The following RBFOX1 variants were observed in gnomAD, a reference collection of about 807,000 sequenced individuals.
The protein encoded by RBFOX1 is RNA binding fox-1 homolog 1.
A neutral mutation model predicts 57.7 loss-of-function variants in RBFOX1; 8 were observed. The observed-to-expected ratio is 0.14, with a 90% CI of 0.08 to 0.25. The LOEUF is 0.25. RBFOX1 is among the 10% of genes least tolerant of loss of function. The probability of loss-of-function intolerance (pLI) is 1.00; values close to 1 mark genes in which losing one functional copy is unlikely to be tolerated. For synonymous variants in RBFOX1, 326 were observed against 222.4 expected (o/e 1.47, Z -4.15); for missense variants, 611 against 548.5 (o/e 1.11, Z -1.14).
chr16:6,091,275 T>A (rs1047534837), intron 1 of RBFOX1, among the ~76,000 whole-genome samples: 1 of 152,188 alleles, frequency 6.6e-6, no homozygotes, highest in Non-Finnish European at 1.5e-5. Context: ...GATACCCACT[T>A]ATGAACTCCT....
intron 3 of RBFOX1, among the ~76,000 whole-genome samples, chr16:6,828,460 G>A (rs1266055971): frequency 6.6e-6 from 1 of 151,868 alleles, no homozygotes; most frequent in African/African-American, 2.4e-5. Context: ...GGAGGAAGAG[G>A]TTGCAGTCAG....
At chr16:6,338,757 C>A (rs1020529579) in intron 2 of RBFOX1, among the ~76,000 whole-genome samples, 1 of 152,204 alleles carries the variant, frequency 6.6e-6, no homozygotes, top group Non-Finnish European at 1.5e-5. Context: ...TAACCAACTT[C>A]TCAAACCAGG....
chr16:6,828,177 C>G (rs974582500), intron 3 of RBFOX1, among the ~76,000 whole-genome samples: 54 of 152,116 alleles, frequency 3.5e-4, no homozygotes, highest in African/African-American at 1.3e-3. Context: ...CAGATGGAGT[C>G]TCAGCACTTC....
At chr16:6,759,225 A>C (rs2076246308) in intron 3 of RBFOX1, among the ~76,000 whole-genome samples, 1 of 150,288 alleles carries the variant, frequency 6.7e-6, no homozygotes, top group Non-Finnish European at 1.5e-5. Flanking sequence ...ACCTTAGCTC[A>C]CTGGAACCTC....
intron 4 of RBFOX1, among the ~76,000 whole-genome samples, chr16:7,463,913 C>T (rs1174216527): frequency 6.6e-6 from 1 of 152,204 alleles, no homozygotes; most frequent in Non-Finnish European, 1.5e-5. Context: ...TTATTCATCT[C>T]ATTTTACATG....
intron 14 of RBFOX1, among the ~76,000 whole-genome samples, chr16:7,692,630 T>C (rs2077599959): frequency 6.6e-6 from 1 of 152,192 alleles, no homozygotes; most frequent in African/African-American, 2.4e-5. Context: ...TACCTCTGAA[T>C]TAGAACACAT....
chr16:7,427,475 AC>A (rs1170497324), intron 4 of RBFOX1, among the ~76,000 whole-genome samples: 1 of 152,092 alleles, frequency 6.6e-6, no homozygotes, highest in Non-Finnish European at 1.5e-5. Flanking sequence ...GACTTGCTTA[AC>A]AACTGTGTGT....
At chr16:6,412,170 A>C (rs893529125) in intron 2 of RBFOX1, among the ~76,000 whole-genome samples, 6 of 151,734 alleles carry the variant, frequency 4.0e-5, no homozygotes, top group African/African-American at 1.5e-4. Flanking sequence ...ACAAAAAAAA[A>C]CATGGCCCTT....
intron 1 of RBFOX1, chr16:5,260,630 A>G (rs535511616): frequency 6.6e-6 from 1 of 152,268 alleles, no homozygotes; most frequent in African/African-American, 2.4e-5. Flanking sequence ...TGACCATCTC[A>G]TGAAAAATTT....
chr16:6,332,329 C>A (rs745510620), intron 2 of RBFOX1, among the ~76,000 whole-genome samples: 1 of 152,094 alleles, frequency 6.6e-6, no homozygotes, highest in East Asian at 1.9e-4. Context: ...TTTAGCTACA[C>A]TGGTGGGAAA....
At chr16:7,592,310 C>T (rs1431278936) in intron 7 of RBFOX1, among the ~76,000 whole-genome samples, 1 of 152,158 alleles carries the variant, frequency 6.6e-6, no homozygotes, top group Non-Finnish European at 1.5e-5. Flanking sequence ...AGTTCATGCC[C>T]CTTCCTTGGG....
intron 3 of RBFOX1, among the ~76,000 whole-genome samples, chr16:6,918,068 C>T (rs1051405194): frequency 2.6e-5 from 4 of 152,122 alleles, no homozygotes; most frequent in Non-Finnish European, 4.4e-5. Flanking sequence ...GGGTGGATCG[C>T]TTGAGGTCAG....
rs2095031686 is a variant in RBFOX1 at position 6,019,826 on chromosome 16, G to A, written c.-293G>A. ...GCCGCGCCCAGGCAGGCGCGCCAGG[G>A]CGGGGCTGACCTGCCCGCGAAGTTG... On this transcript the variant is annotated 5_prime_UTR_variant, in exon 1 of 16. Transcript: ENST00000550418. The surrounding 1 kb of genome is among the most constrained non-coding windows in gnomAD (Gnocchi z 4.2). 2.0e-6 allele frequency: 3 copies of A among 1,513,748 alleles called. No homozygotes were observed. Among genetic ancestry groups the A allele is most frequent in the South Asian group, 2.4e-5 (2 of 82,214 alleles). The allele number at this position is 1,513,748 out of a possible 1,614,324, so 93.8% of individuals were successfully genotyped here.
intron 9 of RBFOX1, among the ~76,000 whole-genome samples, chr16:7,605,747 C>T (rs2095259266): frequency 6.6e-6 from 1 of 152,164 alleles, no homozygotes; most frequent in African/African-American, 2.4e-5. Context: ...TGCCTTCTCT[C>T]AAAAACATTT....
intron 3 of RBFOX1, among the ~76,000 whole-genome samples, chr16:5,835,662 C>G (rs1021295874): frequency 6.6e-6 from 1 of 152,212 alleles, no homozygotes; most frequent in East Asian, 1.9e-4. Context: ...CTGGACCCTT[C>G]TTCTTAAGGT....
chr16:5,911,871 C>G lies in RBFOX1; in HGVS notation c.351+44536C>G, dbSNP rs367893820. ...GGCCCCACCCCCATGGCCTCATACCCTCCCTAAAGCCCGAACTCTGAATAC... is the reference window on the plus strand; with the variant it reads ...GGCCCCACCCCCATGGCCTCATACCGTCCCTAAAGCCCGAACTCTGAATAC... On this transcript the variant is annotated intron_variant, in intron 4 of 19. Transcript: ENST00000641259. Among the ~76,000 whole-genome samples the G allele has an allele frequency of 2.0e-5, 3 of 152,292 alleles. No individual in the cohort carries two copies. In the East Asian group the frequency reaches 5.8e-4, roughly 29 times the overall value.
intron 1 of RBFOX1, chr16:6,057,048 G>T (rs547337779): frequency 2.0e-5 from 3 of 151,366 alleles, no homozygotes; most frequent in Non-Finnish European, 2.9e-5. Flanking sequence ...AGAGATTCAC[G>T]TATGGCTGAA....
chr16:7,355,055 G>A (rs535498504), intron 4 of RBFOX1, among the ~76,000 whole-genome samples: 6 of 152,206 alleles, frequency 3.9e-5, no homozygotes, highest in Non-Finnish European at 5.9e-5. Context: ...AGCATTTAAC[G>A]CATGAGGTCT....
chr16:6,996,174 T>A (rs2092218234), intron 3 of RBFOX1, among the ~76,000 whole-genome samples: 1 of 152,224 alleles, frequency 6.6e-6, no homozygotes, highest in Non-Finnish European at 1.5e-5. Flanking sequence ...ACATGGCAGT[T>A]CCCGATAAAT....
Sources: allele counts gnomAD v4.1 joint callset (sites outside exome capture counted in the v4.1 genomes callset), GRCh38; gene constraint gnomAD v4.1.1; non-coding constraint Gnocchi (gnomAD v3.1); transcripts MANE v1.5; gene names NCBI Gene and HGNC (gene_info 2026-07-23, HGNC 2026-07-21).